GPHN: variants seen among roughly 807,000 people sequenced by gnomAD.
GPHN encodes gephyrin.
Under a neutral mutation model 95.5 loss-of-function variants are expected in GPHN, and 17 were observed. The ratio of observed to expected loss-of-function variants is 0.18; its 90% CI spans 0.12 to 0.27. GPHN has a LOEUF of 0.27. GPHN is among the 10% of genes least tolerant of loss of function. The pLI is 1.00. For synonymous variants in GPHN, 320 were observed against 322.5 expected (o/e 0.99, Z 0.08); for missense variants, 660 against 978.1 (o/e 0.67, Z 4.34).
chr14:66,856,444 T>TA lies in GPHN; in HGVS notation c.295-23492dup, dbSNP rs199971688. ...TTGATTCCCCATATCTGTCAGTTGATAAAGTAGCTATTGCAGAATTCTACA... is the reference window on the plus strand; with the variant it reads ...TTGATTCCCCATATCTGTCAGTTGATAAAAGTAGCTATTGCAGAATTCTACA... On this transcript the variant is annotated intron_variant, in intron 4 of 22. Transcript: ENST00000478722. Among the ~76,000 whole-genome samples the TA allele has an allele frequency of 1.4e-3, 212 of 152,232 alleles. 4 individuals carry two copies. In the East Asian group the frequency reaches 0.023, roughly 16 times the overall value.
the GPHN span, among the ~76,000 whole-genome samples, chr14:67,605,078 G>T: frequency 1.3e-5 from 2 of 152,050 alleles, no homozygotes; most frequent in East Asian, 3.9e-4. Context: ...CTTCAAAATT[G>T]TATTGGCTAT....
chr14:67,196,957 C>T, the GPHN span: 2 of 152,090 alleles, frequency 1.3e-5, no homozygotes, highest in African/African-American at 4.8e-5. Flanking sequence ...GAGACAGGCT[C>T]TCGCTCTGAT....
intron 18 of GPHN, among the ~76,000 whole-genome samples, chr14:67,150,812 G>C (rs1382251179): frequency 1.3e-5 from 2 of 151,972 alleles, no homozygotes; most frequent in South Asian, 2.1e-4. Flanking sequence ...TCCTGCCTCA[G>C]CCTCCCAAGT....
chr14:67,572,524 A>G, the GPHN span, among the ~76,000 whole-genome samples: 4,808 of 152,252 alleles, frequency 0.032, 242 homozygotes, highest in African/African-American at 0.1. Context: ...CTGAGAGCCT[A>G]CTGTGGCCCA....
chr14:66,531,087 A>T (rs2058914761), intron 1 of GPHN, among the ~76,000 whole-genome samples: 1 of 151,074 alleles, frequency 6.6e-6, no homozygotes, highest in South Asian at 2.1e-4. Context: ...CTGGGATTAC[A>T]GGCACCTGCC....
intron 6 of GPHN, among the ~76,000 whole-genome samples, chr14:66,922,294 A>G (rs1424456348): frequency 6.7e-6 from 1 of 149,004 alleles, no homozygotes; most frequent in African/African-American, 2.4e-5. Context: ...TTGTCACTGT[A>G]ACTATTTTTA....
At chr14:66,629,227 AT>A (rs113202050) in intron 1 of GPHN, among the ~76,000 whole-genome samples, 1 of 144,688 alleles carries the variant, frequency 6.9e-6, no homozygotes, top group African/African-American at 2.5e-5. Flanking sequence ...ATATATAAAT[AT>A]GTATATAAAT....
the GPHN span, chr14:67,317,490 C>CG: frequency 6.3e-7 from 1 of 1,575,628 alleles, no homozygotes; most frequent in Non-Finnish European, 8.7e-7. Flanking sequence ...GTAAGTTCTA[C>CG]TCTCAGGGAT....
At chr14:67,158,023 A>G (rs992897864) in intron 18 of GPHN, among the ~76,000 whole-genome samples, 1 of 151,210 alleles carries the variant, frequency 6.6e-6, no homozygotes, top group African/African-American at 2.4e-5. Context: ...AAAAGATGAT[A>G]TGGCCTGGTG....
chr14:66,816,700 GA>G (rs1243502282), intron 3 of GPHN, among the ~76,000 whole-genome samples: 11 of 152,074 alleles, frequency 7.2e-5, no homozygotes, highest in African/African-American at 2.7e-4. Context: ...AAAAAAGTTA[GA>G]AAGATCTCCA....
intron 1 of GPHN, among the ~76,000 whole-genome samples, chr14:66,612,652 C>CTGAAA (rs2062832367): frequency 6.6e-6 from 1 of 151,956 alleles, no homozygotes; most frequent in Admixed American, 6.6e-5. Context: ...CACATGAAAC[C>CTGAAA]CAATCCCCCT....
chr14:67,429,147 TAATAAC>T, the GPHN span, among the ~76,000 whole-genome samples: 4 of 152,026 alleles, frequency 2.6e-5, no homozygotes, highest in Non-Finnish European at 5.9e-5. Flanking sequence ...ATCATTGTGT[TAATAAC>T]AATAACAATG....
chr14:66,820,343 T>C (rs968388678), intron 3 of GPHN, among the ~76,000 whole-genome samples: 91 of 151,872 alleles, frequency 6.0e-4, no homozygotes, highest in African/African-American at 2.1e-3. Flanking sequence ...AGAAAAAAAA[T>C]AGGGGAAGCA....
At chr14:67,624,060 C>T in the GPHN span, among the ~76,000 whole-genome samples, 5 of 152,026 alleles carry the variant, frequency 3.3e-5, no homozygotes, top group Non-Finnish European at 5.9e-5. Flanking sequence ...AGGCTGGTCC[C>T]GAACTCCTGG....
At chr14:67,582,302 C>A in the GPHN span, 4 of 1,593,424 alleles carry the variant, frequency 2.5e-6, no homozygotes, top group South Asian at 4.5e-5. This position sits in a 1 kb window ranked among gnomAD's most constrained non-coding sequence, Gnocchi z 5.0. Context: ...TTCTGCAGAT[C>A]CTGTGGTGCT....
intron 12 of GPHN, among the ~76,000 whole-genome samples, chr14:67,099,872 T>A (rs2077599927): frequency 6.6e-6 from 1 of 152,152 alleles, no homozygotes; most frequent in Non-Finnish European, 1.5e-5. Flanking sequence ...TTTGTAGATA[T>A]GCTCCCAAAA....
the GPHN span, among the ~76,000 whole-genome samples, chr14:67,675,064 C>A: frequency 6.6e-6 from 1 of 152,214 alleles, no homozygotes; most frequent in Non-Finnish European, 1.5e-5. Flanking sequence ...ACTGTCATCG[C>A]GCTTTGCTTT....
At chr14:66,881,290 C>T (rs1033548659) in intron 5 of GPHN, among the ~76,000 whole-genome samples, 5 of 151,986 alleles carry the variant, frequency 3.3e-5, no homozygotes, top group Admixed American at 3.3e-4. Flanking sequence ...TAAGGAACTC[C>T]AGTTGATTCT....
chr14:67,727,485 G>GC, the GPHN span: 1 of 256,528 alleles, frequency 3.9e-6, no homozygotes. Flanking sequence ...TGTTTTTTTT[G>GC]TTTTTTTTTT....
Sources: allele counts gnomAD v4.1 joint callset (sites outside exome capture counted in the v4.1 genomes callset), GRCh38; gene constraint gnomAD v4.1.1; non-coding constraint Gnocchi (gnomAD v3.1); transcripts MANE v1.5; gene names NCBI Gene and HGNC (gene_info 2026-07-23, HGNC 2026-07-21).